Variants in ENO3 observed in about 807,000 individuals in gnomAD.
ENO3 encodes the protein beta-enolase.
A neutral mutation model predicts 47.7 loss-of-function variants in ENO3; 46 were observed. The ratio of observed to expected loss-of-function variants is 0.96; its 90% confidence interval spans 0.76 to 1.23. The LOEUF (loss-of-function observed/expected upper bound fraction) is 1.23, where lower values mean the gene tolerates loss of function less well. Among genes scored for constraint, ENO3 ranks in the 50% most tolerant of loss-of-function variants. ENO3 has a pLI of 0.00. For synonymous variants in ENO3, 223 were observed against 225.9 expected (o/e 0.99, Z 0.11); for missense variants, 575 against 566.2 (o/e 1.02, Z -0.16).
chr17:4,955,994 C>G lies in ENO3; in HGVS notation c.918C>G (p.Ser306=), dbSNP rs1204735699. The change falls in exon 9 of 12, where the codon TCC becomes TCG. Residue 306 remains serine (S), a synonymous_variant. Coordinates refer to ENST00000519602, the MANE Select transcript of ENO3 (RefSeq NM_053013.4). ...FDQDDWATWT[S]FLSGVNIQIV... ...AGGATGACTGGGCCACTTGGACCTC[C>G]TTCCTCTCGGGGGTGAACATCCAGA... The G allele has an allele frequency of 1.2e-6, 2 of 1,614,034 alleles. No homozygotes were observed. Among genetic ancestry groups the G allele is most frequent in the East Asian group, 4.5e-5 (2 of 44,870 alleles).
At chr17:4,951,752 A>G in intron 1 of ENO3, 76 bp from the exon 2 acceptor site, 3 of 1,511,898 alleles carry the variant, frequency 2.0e-6, no homozygotes, top group South Asian at 1.1e-5. Flanking sequence ...AGTGGGGAAG[A>G]ATCTTAAAGG....
upstream of ENO3, chr17:4,948,884 G>A (rs545918527): frequency 1.4e-3 from 208 of 153,710 alleles, no homozygotes; most frequent in Non-Finnish European, 2.5e-3. Flanking sequence ...TGCAAATTTA[G>A]CAAATTAAGG....
chr17:4,951,058 C>T (rs1597694751), upstream of ENO3: 63 of 985,892 alleles, frequency 6.4e-5, no homozygotes, highest in Non-Finnish European at 7.3e-5. Context: ...GAAAGAGAGG[C>T]GGGGCTGGCT....
rs1201721611 is a variant in ENO3, at chr17:4,955,117, C to G, written c.487C>G (p.Leu163Val). Reference sequence around the variant, plus strand: ...CGGGGGCTCCCATGCTGGAAACAAGCTGGCCATGCAGGAGTTCATGATTCT... The same window carrying G: ...CGGGGGCTCCCATGCTGGAAACAAGGTGGCCATGCAGGAGTTCATGATTCT... ...INGGSHAGNK[L>V]AMQEFMILPV... is the part of the protein sequence containing the mutation. The change falls in exon 7 of 12, where the codon CTG becomes GTG. Residue 163 changes from leucine to valine, a missense_variant. Transcript: ENST00000519602. 1 of 1,614,048 alleles carries G rather than the reference C, an allele frequency of 6.2e-7. No individual in the cohort carries two copies. The highest frequency in any genetic ancestry group is 1.7e-5 in the Admixed American group (1 of 60,014).
chr17:4,953,097 T>C lies in ENO3; in HGVS notation c.228T>C (p.Ala76=). ...VENINNTLGP[A]LLQKKLSVVD... is the part of the protein sequence containing the mutation. Reference sequence around the variant, plus strand: ...ACATCAACAATACTCTGGGCCCTGCTCTGCTGCAAAAGGCAAGTGGGGAAG... The same window carrying C: ...ACATCAACAATACTCTGGGCCCTGCCCTGCTGCAAAAGGCAAGTGGGGAAG... The change falls in exon 4 of 12, where the codon GCT becomes GCC. Residue 76 remains alanine (A), a synonymous_variant. Transcript: ENST00000519602. 1 of 1,614,066 alleles carries C rather than the reference T, an allele frequency of 6.2e-7. No individual in the cohort carries two copies. Among genetic ancestry groups the C allele is most frequent in the Non-Finnish European group, 8.5e-7 (1 of 1,179,936 alleles).
intron 1 of ENO3, 109 bp from the exon 2 acceptor site, chr17:4,951,719 A>C: frequency 9.7e-6 from 12 of 1,234,272 alleles, no homozygotes; most frequent in Non-Finnish European, 1.4e-5. Flanking sequence ...GGGTATTTTT[A>C]GCTCCAGCAC....
At chr17:4,951,786 G>T in intron 1 of ENO3, 42 bp from the exon 2 acceptor site, 2 of 1,597,792 alleles carry the variant, frequency 1.3e-6, no homozygotes, top group South Asian at 2.2e-5. Context: ...GGTTCCTTAA[G>T]AGATCAACTG....
Position 4,957,090 on chromosome 17 carries a change from T to G in ENO3, c.*43T>G. ...GACTCCACTGGACAGACCCAGGTCT[T>G]CCAGACCTGCTTCCTGAAATAAACA... On this transcript the variant is annotated 3_prime_UTR_variant, in exon 12 of 12. Transcript: ENST00000519602. The G allele has an allele frequency of 1.2e-6, 2 of 1,610,396 alleles. No individual in the cohort carries two copies. Among genetic ancestry groups the G allele is most frequent in the South Asian group, 1.1e-5 (1 of 90,962 alleles).
chr17:4,955,656 T>A, intron 8 of ENO3, 52 bp downstream of exon 8: 1 of 1,608,212 alleles, frequency 6.2e-7, no homozygotes, highest in Non-Finnish European at 8.5e-7. Flanking sequence ...TGCAGCTGCC[T>A]AATATACTGA....
Position 4,957,108 on chromosome 17 carries a change from A to G in ENO3, c.*61A>G. 6.2e-7 allele frequency: 1 copy of G among 1,602,562 alleles called. No homozygotes were observed. The highest frequency in any genetic ancestry group is 8.5e-7 in the Non-Finnish European group (1 of 1,170,990). The stretch of plus-strand genomic sequence containing the variant: ...CAGGTCTTCCAGACCTGCTTCCTGA[A>G]ATAAACACTGGTGCCAACCAAGACA... On this transcript the variant is annotated 3_prime_UTR_variant, in exon 12 of 12. Transcript: ENST00000519602.
chr17:4,950,828 G>T (rs766807626), upstream of ENO3, among the ~76,000 whole-genome samples: 1 of 152,098 alleles, frequency 6.6e-6, no homozygotes. Context: ...TTGCAAAAGG[G>T]GAATGTAATC....
chr17:4,954,605 C>G (rs1318470570), intron 6 of ENO3, among the ~76,000 whole-genome samples: 1 of 152,186 alleles, frequency 6.6e-6, no homozygotes, highest in Non-Finnish European at 1.5e-5. Flanking sequence ...TAGGTGCTAT[C>G]CCCATTTTAC....
chr17:4,954,838 G>A lies in ENO3; in HGVS notation c.445-237G>A, dbSNP rs554951426. Among the ~76,000 whole-genome samples, 19 of 151,784 alleles carry A rather than the reference G, an allele frequency of 1.3e-4. 1 individual carries two copies. In the East Asian group the frequency reaches 3.3e-3, roughly 26 times the overall value. ...TAAGGCAGGAGAATCACTTGAACCCGGGAGGCGGAGGTTGCGCCATTGCAC... is the reference window on the plus strand; with the variant it reads ...TAAGGCAGGAGAATCACTTGAACCCAGGAGGCGGAGGTTGCGCCATTGCAC... On this transcript the variant is annotated intron_variant, in intron 6 of 11. Coordinates refer to ENST00000519602, the MANE Select transcript of ENO3 (RefSeq NM_053013.4).
chr17:4,955,934 C>T lies in ENO3; in HGVS notation c.866-8C>T. On this transcript the variant is annotated splice_polypyrimidine_tract_variant and splice_region_variant and intron_variant, in intron 8 of 11. Transcript: ENST00000519602. The stretch of plus-strand genomic sequence containing the variant: ...TCTCTGCCCTGTCTCTGCTCCAAAC[C>T]CCACCAGTGGTCTCCATCGAAGACC... 2 of 1,613,324 alleles carry T rather than the reference C, an allele frequency of 1.2e-6. No homozygotes were observed. The highest frequency in any genetic ancestry group is 2.2e-5 in the East Asian group (1 of 44,868).
At chr17:4,956,418 A>G (rs576369459) in intron 9 of ENO3, 155 bp from the exon 10 acceptor site, 36 of 820,002 alleles carry the variant, frequency 4.4e-5, no homozygotes, top group Non-Finnish European at 6.9e-5. Flanking sequence ...CGAAATCAAG[A>G]TAAGTCTTTT....
chr17:4,955,242 C>T lies in ENO3; in HGVS notation c.612C>T (p.Ala204=). The T allele has an allele frequency of 6.2e-7, 1 of 1,614,274 alleles. No homozygotes were observed. Among genetic ancestry groups the T allele is most frequent in the African/African-American group, 1.3e-5 (1 of 75,078 alleles). ...GVIKAKYGKD[A]TNVGDEGGFA... is the part of the protein sequence containing the mutation. ...TCAAGGCCAAGTATGGGAAGGATGC[C>T]ACCAATGTGGGTGATGAAGGTGGCT... The change falls in exon 7 of 12, where the codon GCC becomes GCT. Residue 204 remains alanine (A), a synonymous_variant. Coordinates refer to ENST00000519602, the MANE Select transcript of ENO3 (RefSeq NM_053013.4).
At position 4,955,093 on chromosome 17, in the gene ENO3, G is replaced by A. The variant is rs756582618; in HGVS notation, c.463G>A (p.Gly155Arg). 32 of 1,605,616 alleles carry A rather than the reference G, an allele frequency of 2.0e-5. No individual in the cohort carries two copies. The East Asian group carries it at 2.3e-4, about 11-fold the overall frequency. ...ATCTCAGGCCTTCAATGTGATCAAC[G>A]GGGGCTCCCATGCTGGAAACAAGCT... ...LPVPAFNVIN[G>R]GSHAGNKLAM... is the part of the protein sequence containing the mutation. Residue 155 changes from glycine (G) to arginine (R), a missense_variant, in exon 7 of 12, where the codon GGG (glycine) becomes AGG (arginine). Coordinates refer to ENST00000519602, the MANE Select transcript of ENO3 (RefSeq NM_053013.4).
At chr17:4,952,942 G>A in intron 3 of ENO3, 52 bp downstream of exon 3, 1 of 1,610,124 alleles carries the variant, frequency 6.2e-7, no homozygotes, top group Non-Finnish European at 8.5e-7. Context: ...TTAGGACATG[G>A]GTGCACAATG....
At chr17:4,955,318 G>A in intron 7 of ENO3, 21 bp downstream of exon 7, 1 of 1,613,400 alleles carries the variant, frequency 6.2e-7, no homozygotes, top group Middle Eastern at 1.7e-4. Context: ...AGCACCCTGG[G>A]GGGCAGACCC....
Sources: gnomAD v4.1 joint callset for allele counts (sites outside exome capture counted in the v4.1 genomes callset) on GRCh38, gnomAD v4.1.1 for gene constraint, MANE v1.5 for transcripts, NCBI Gene and HGNC (gene_info 2026-07-23, HGNC 2026-07-21) for gene names.